SPMIP4: variants seen among roughly 807,000 people sequenced by gnomAD.
SPMIP4 encodes the protein sperm-associated microtubule inner protein 4.
chr7:25,155,646 T>C, the SPMIP4 span, among the ~76,000 whole-genome samples: 1 of 152,190 alleles, frequency 6.6e-6, no homozygotes, highest in Non-Finnish European at 1.5e-5. Context: ...ACCCAGGCCA[T>C]CTGTTTCTTT....
At chr7:25,168,530 G>T in the SPMIP4 span, 1 of 1,342,012 alleles carries the variant, frequency 7.5e-7, no homozygotes, top group Non-Finnish European at 1.0e-6. Context: ...TTGCATAACA[G>T]ATTGCATAAA....
At chr7:25,161,221 G>A in the SPMIP4 span, 1 of 1,563,638 alleles carries the variant, frequency 6.4e-7, no homozygotes, top group African/African-American at 1.4e-5. Flanking sequence ...CACTTTTTTT[G>A]TTCTGGGTCA....
At chr7:25,168,577 T>C in the SPMIP4 span, 616 of 882,138 alleles carry the variant, frequency 7.0e-4, no homozygotes, top group Non-Finnish European at 9.3e-4. Context: ...AGATTAAATC[T>C]TCAGAACACA....
chr7:25,135,257 C>T, the SPMIP4 span: 1 of 917,754 alleles, frequency 1.1e-6, no homozygotes, highest in Non-Finnish European at 1.3e-6. Flanking sequence ...AAGGCCATTG[C>T]TAGATCTTCA....
chr7:25,173,037 G>A, the SPMIP4 span, among the ~76,000 whole-genome samples: 3 of 150,692 alleles, frequency 2.0e-5, no homozygotes, highest in Non-Finnish European at 3.0e-5. This position sits in a 1 kb window ranked among gnomAD's most constrained non-coding sequence, Gnocchi z 4.4. Flanking sequence ...AAGAAAGTGG[G>A]AGAAAAAGGG....
At chr7:25,136,833 G>C in the SPMIP4 span, 1 of 1,576,028 alleles carries the variant, frequency 6.3e-7, no homozygotes, top group Non-Finnish European at 8.6e-7. This position sits in a 1 kb window ranked among gnomAD's most constrained non-coding sequence, Gnocchi z 5.7. Flanking sequence ...AATTGATCAG[G>C]GATATTGCCA....
At chr7:25,175,746 GA>G in the SPMIP4 span, among the ~76,000 whole-genome samples, 1 of 152,190 alleles carries the variant, frequency 6.6e-6, no homozygotes, top group Non-Finnish European at 1.5e-5. Flanking sequence ...TTGCTGTTGA[GA>G]TACCTTGTGA....
At chr7:25,136,372 G>T in the SPMIP4 span, 1 of 1,614,144 alleles carries the variant, frequency 6.2e-7, no homozygotes, top group Non-Finnish European at 8.5e-7. The surrounding 1 kb of genome is among the most constrained non-coding windows in gnomAD (Gnocchi z 5.7). Flanking sequence ...CCAGTGGTCT[G>T]GTTTACAGTA....
the SPMIP4 span, chr7:25,142,779 G>T: frequency 6.4e-7 from 1 of 1,571,502 alleles, no homozygotes; most frequent in Non-Finnish European, 8.6e-7. Flanking sequence ...GTTTTGGGTA[G>T]AATACTGGCT....
At chr7:25,158,515 AG>A in the SPMIP4 span, 1 of 1,609,998 alleles carries the variant, frequency 6.2e-7, no homozygotes, top group South Asian at 1.1e-5. Flanking sequence ...CTGTTGAATT[AG>A]GCGGCTTGGG....
the SPMIP4 span, among the ~76,000 whole-genome samples, chr7:25,129,050 A>G: frequency 1.3e-5 from 2 of 152,016 alleles, no homozygotes; most frequent in Non-Finnish European, 2.9e-5. Context: ...CTTCTCCTCA[A>G]GTGGTGGGAA....
the SPMIP4 span, among the ~76,000 whole-genome samples, chr7:25,170,436 T>G: frequency 6.6e-6 from 1 of 152,390 alleles, no homozygotes; most frequent in South Asian, 2.1e-4. Context: ...TATAAGTCCC[T>G]TGTCAGGGAT....
At chr7:25,165,685 G>T in the SPMIP4 span, among the ~76,000 whole-genome samples, 1 of 152,204 alleles carries the variant, frequency 6.6e-6, no homozygotes, top group African/African-American at 2.4e-5. Context: ...CTCCAACTTT[G>T]CTGCACGTTG....
the SPMIP4 span, chr7:25,158,408 T>A: frequency 1.4e-6 from 1 of 723,058 alleles, no homozygotes; most frequent in Non-Finnish European, 2.3e-6. Context: ...TCATGGGAAG[T>A]CTCACTTGTT....
At chr7:25,155,219 A>C in the SPMIP4 span, 1 of 1,486,416 alleles carries the variant, frequency 6.7e-7, no homozygotes, top group Non-Finnish European at 9.0e-7. Context: ...AAACAAAACA[A>C]AATGAAAAGA....
chr7:25,157,874 T>A, the SPMIP4 span, among the ~76,000 whole-genome samples: 6 of 152,228 alleles, frequency 3.9e-5, no homozygotes, highest in Non-Finnish European at 8.8e-5. Flanking sequence ...ATGTGCCATA[T>A]TAATGTGAGA....
chr7:25,171,278 G>T, the SPMIP4 span, among the ~76,000 whole-genome samples: 38 of 152,240 alleles, frequency 2.5e-4, no homozygotes, highest in Middle Eastern at 6.8e-3. Flanking sequence ...TGAAGGGCAG[G>T]GATTCTACTG....
At chr7:25,140,458 T>C in the SPMIP4 span, among the ~76,000 whole-genome samples, 16 of 151,978 alleles carry the variant, frequency 1.1e-4, no homozygotes, top group African/African-American at 3.6e-4. Context: ...TGTGCCACCA[T>C]GCCCGGTTAA....
At chr7:25,179,481 G>A in the SPMIP4 span, 1 of 523,014 alleles carries the variant, frequency 1.9e-6, no homozygotes, top group East Asian at 3.2e-5. Flanking sequence ...AATAAATAGA[G>A]ACCTAAATAA....
Sources: gnomAD v4.1 joint callset for allele counts (sites outside exome capture counted in the v4.1 genomes callset) on GRCh38, gnomAD v4.1.1 for gene constraint, Gnocchi (gnomAD v3.1) non-coding constraint, MANE v1.5 for transcripts, NCBI Gene and HGNC (gene_info 2026-07-23, HGNC 2026-07-21) for gene names.